RAB3C: variants seen among roughly 807,000 people sequenced by gnomAD.
RAB3C encodes the protein RAB3C, member RAS oncogene family.
Under a neutral mutation model 26.4 loss-of-function variants are expected in RAB3C, and 17 were observed. That is an observed-to-expected ratio of 0.64 (90% CI 0.44 to 0.97). The LOEUF (loss-of-function observed/expected upper bound fraction) is 0.97, where lower values mean the gene tolerates loss of function less well. Ranked by LOEUF, RAB3C falls within the 50% of genes least tolerant of loss-of-function variation. The pLI is 0.00. For synonymous variants in RAB3C, 91 were observed against 95.9 expected (o/e 0.95, Z 0.30); for missense variants, 242 against 281.9 (o/e 0.86, Z 1.01).
At chr5:58,630,474 C>T (rs911156853) in intron 2 of RAB3C, among the ~76,000 whole-genome samples, 1 of 152,048 alleles carries the variant, frequency 6.6e-6, no homozygotes, top group African/African-American at 2.4e-5. Context: ...ACATAAAGAA[C>T]ATATTTTAAT....
At chr5:58,668,964 G>A (rs1748055251) in intron 2 of RAB3C, among the ~76,000 whole-genome samples, 1 of 152,094 alleles carries the variant, frequency 6.6e-6, no homozygotes, top group African/African-American at 2.4e-5. Flanking sequence ...CTCTCTTCCT[G>A]GCTTACAGTT....
chr5:58,766,454 A>G (rs1388611333), intron 3 of RAB3C, among the ~76,000 whole-genome samples: 1 of 152,204 alleles, frequency 6.6e-6, no homozygotes, highest in East Asian at 1.9e-4. Flanking sequence ...AGATTAATAC[A>G]TACGGAAATA....
At chr5:58,583,658 C>T (rs1401243947) in intron 1 of RAB3C, among the ~76,000 whole-genome samples, 1 of 152,084 alleles carries the variant, frequency 6.6e-6, no homozygotes, top group Non-Finnish European at 1.5e-5. Flanking sequence ...AGAGCGAATT[C>T]CGCTTGGTTA....
intron 4 of RAB3C, among the ~76,000 whole-genome samples, chr5:58,825,374 T>C (rs1743452492): frequency 6.6e-6 from 1 of 152,174 alleles, no homozygotes; most frequent in Non-Finnish European, 1.5e-5. Flanking sequence ...GAAGCAAAAA[T>C]GATACTCAGA....
chr5:58,688,149 G>A (rs1041984327), intron 2 of RAB3C, among the ~76,000 whole-genome samples: 7 of 152,078 alleles, frequency 4.6e-5, no homozygotes, highest in African/African-American at 1.7e-4. Context: ...TTTCTCCAGA[G>A]CACCCATAAA....
In RAB3C at chr5:58,856,275, G is replaced by A. The variant is rs1476925988; in HGVS notation, c.*4924G>A. The A allele has an allele frequency of 6.6e-6, 1 of 151,602 alleles. No individual in the cohort carries two copies. Among genetic ancestry groups the A allele is most frequent in the Non-Finnish European group, 1.5e-5 (1 of 67,958 alleles). The allele number at this position is 151,602 out of a possible 1,614,324, so 9.4% of individuals were successfully genotyped here. A position where few individuals can be genotyped will look rare whatever the true frequency, so the allele number is the denominator to read the frequency against. ...ATTTCCTCCAAACAGAGAGAGTGGA[G>A]GGGAAATAAATTTTGCAAGCATTCT... On this transcript the variant is annotated 3_prime_UTR_variant, in exon 5 of 5. Transcript: ENST00000282878.
chr5:58,747,473 C>T (rs1368688708), intron 3 of RAB3C, among the ~76,000 whole-genome samples: 2 of 152,160 alleles, frequency 1.3e-5, no homozygotes, highest in Admixed American at 1.3e-4. Context: ...TCTAACATTT[C>T]TCCGTTAAAC....
At chr5:58,629,961 G>A (rs1200098797) in intron 2 of RAB3C, among the ~76,000 whole-genome samples, 1 of 152,192 alleles carries the variant, frequency 6.6e-6, no homozygotes, top group Non-Finnish European at 1.5e-5. Context: ...TAGATAAGGA[G>A]GTTGGTTTCC....
chr5:58,696,951 T>C (rs1748713249), intron 2 of RAB3C, among the ~76,000 whole-genome samples: 1 of 152,236 alleles, frequency 6.6e-6, no homozygotes, highest in Admixed American at 6.5e-5. Context: ...TATTTATTTC[T>C]TGCCTTCTGC....
chr5:58,688,102 G>A (rs114121972), intron 2 of RAB3C, among the ~76,000 whole-genome samples: 2 of 152,088 alleles, frequency 1.3e-5, no homozygotes, highest in African/African-American at 2.4e-5. Flanking sequence ...GTGCCAAGAG[G>A]TATGGATGTT....
rs754473908 is a variant in RAB3C at position 58,725,769 on chromosome 5, A to G, written c.253-233A>G. ...TATACTGATTTGATCTTTACAAATT[A>G]TATAAATCTATTAAATTATTACATG... On this transcript the variant is annotated intron_variant, in intron 2 of 4. Coordinates refer to ENST00000282878, the MANE Select transcript of RAB3C (RefSeq NM_138453.4). 4.7e-4 allele frequency among the ~76,000 whole-genome samples: 72 copies of G among 151,932 alleles called. 1 individual carries two copies. The highest frequency in any genetic ancestry group is 1.5e-3 in the Admixed American group (23 of 15,224).
intron 2 of RAB3C, among the ~76,000 whole-genome samples, chr5:58,624,024 G>C (rs1442624012): frequency 6.6e-6 from 1 of 152,146 alleles, no homozygotes; most frequent in Non-Finnish European, 1.5e-5. Flanking sequence ...CACAAACCAG[G>C]CACTCACAAA....
chr5:58,754,886 T>C (rs894184606), intron 3 of RAB3C, among the ~76,000 whole-genome samples: 7 of 55,628 alleles, frequency 1.3e-4, no homozygotes, highest in African/African-American at 4.4e-4. Flanking sequence ...CTTATTCTCC[T>C]TTTTTTTTTC....
At chr5:58,729,952 T>A (rs1740976763) in intron 3 of RAB3C, among the ~76,000 whole-genome samples, 1 of 148,126 alleles carries the variant, frequency 6.8e-6, no homozygotes, top group Non-Finnish European at 1.5e-5. Context: ...ATTAATCTAA[T>A]ATATATTTTG....
intron 3 of RAB3C, among the ~76,000 whole-genome samples, chr5:58,812,374 C>G: frequency 6.6e-6 from 1 of 152,142 alleles, no homozygotes; most frequent in Admixed American, 6.5e-5. Context: ...CAGGCCCCAC[C>G]CCAGACCTCC....
intron 2 of RAB3C, among the ~76,000 whole-genome samples, chr5:58,714,695 A>T (rs1005588026): frequency 6.6e-6 from 1 of 152,092 alleles, no homozygotes; most frequent in African/African-American, 2.4e-5. Context: ...ATGAAGTTAA[A>T]GATATTGCTT....
intron 2 of RAB3C, among the ~76,000 whole-genome samples, chr5:58,714,982 A>G (rs1749138224): frequency 6.6e-6 from 1 of 152,168 alleles, no homozygotes; most frequent in East Asian, 1.9e-4. Context: ...ATACTATGAG[A>G]AAGAAAAATA....
chr5:58,691,927 T>A (rs1748578156), intron 2 of RAB3C, among the ~76,000 whole-genome samples: 1 of 152,190 alleles, frequency 6.6e-6, no homozygotes, highest in Non-Finnish European at 1.5e-5. Context: ...AATGTGATTG[T>A]GTTCTGAAGA....
intron 4 of RAB3C, among the ~76,000 whole-genome samples, chr5:58,842,842 T>C (rs1235364141): frequency 1.3e-5 from 2 of 152,246 alleles, no homozygotes; most frequent in East Asian, 3.8e-4. Flanking sequence ...GAGGTAGATA[T>C]AGACCTCGAG....
Sources: gnomAD v4.1 joint callset for allele counts (sites outside exome capture counted in the v4.1 genomes callset) on GRCh38, gnomAD v4.1.1 for gene constraint, MANE v1.5 for transcripts, NCBI Gene and HGNC (gene_info 2026-07-23, HGNC 2026-07-21) for gene names.